PM20D2: variants seen among roughly 807,000 people sequenced by gnomAD.
PM20D2 encodes peptidase M20 domain containing 2, also known as xaa-Arg dipeptidase.
A neutral mutation model predicts 42.9 loss-of-function variants in PM20D2; 33 were observed. The observed-to-expected ratio is 0.77, with a 90% CI of 0.58 to 1.03. The LOEUF (loss-of-function observed/expected upper bound fraction) is 1.03. Ranked by LOEUF, PM20D2 falls within the 50% of genes least tolerant of loss-of-function variation. The pLI, the probability that PM20D2 is intolerant of heterozygous loss-of-function variation, is 0.00. For missense variants in PM20D2, 548 were observed against 557.0 expected (o/e 0.98, Z 0.16); for synonymous variants, 250 against 228.2 (o/e 1.10, Z -0.86).
chr6:89,112,613 T>C, the PM20D2 span, among the ~76,000 whole-genome samples: 51 of 152,014 alleles, frequency 3.4e-4, no homozygotes, highest in South Asian at 4.2e-3. Flanking sequence ...GGCCTTGCTA[T>C]GTTGCCCAGG....
At chr6:89,132,781 T>C in the PM20D2 span, among the ~76,000 whole-genome samples, 25 of 150,886 alleles carry the variant, frequency 1.7e-4, no homozygotes, top group Non-Finnish European at 2.5e-4. Context: ...GAGGTTGCAG[T>C]GAGCCGAGAT....
chr6:89,130,819 C>CTTTTTTTTTTTTTTCTTTTTTTT, the PM20D2 span, among the ~76,000 whole-genome samples: 1 of 24,038 alleles, frequency 4.2e-5, no homozygotes, highest in African/African-American at 1.4e-4. Flanking sequence ...GCTTCTTCTT[C>CTTTTTTTTTTTTTTCTTTTTTTT]TTTTTTTTTT....
intron 1 of PM20D2, among the ~76,000 whole-genome samples, chr6:89,147,890 C>T (rs149393162): frequency 6.9e-6 from 1 of 145,744 alleles, no homozygotes; most frequent in African/African-American, 2.5e-5. Context: ...GAGGCCTCCT[C>T]TTAAAAAAAA....
At chr6:89,129,610 T>TTTTTTA in the PM20D2 span, among the ~76,000 whole-genome samples, 1 of 114,486 alleles carries the variant, frequency 8.7e-6, no homozygotes, top group South Asian at 3.0e-4. Flanking sequence ...TTTTTTTTTT[T>TTTTTTA]GAGAGAGGGT....
chr6:89,124,094 C>T, the PM20D2 span, among the ~76,000 whole-genome samples: 1 of 152,180 alleles, frequency 6.6e-6, no homozygotes, highest in East Asian at 1.9e-4. Context: ...CTTTTGTCTG[C>T]GCAGGCTCCA....
At chr6:89,143,536 C>A (rs932295798), upstream of PM20D2, among the ~76,000 whole-genome samples, 5 of 152,112 alleles carry the variant, frequency 3.3e-5, no homozygotes, top group African/African-American at 7.2e-5. Flanking sequence ...TCTCACCCCC[C>A]CAAAAAGGTT....
chr6:89,099,227 G>A, the PM20D2 span, among the ~76,000 whole-genome samples: 1 of 151,636 alleles, frequency 6.6e-6, no homozygotes, highest in Non-Finnish European at 1.5e-5. Flanking sequence ...GAGTTATACA[G>A]CTCTTAAGAG....
At chr6:89,099,828 C>T in the PM20D2 span, among the ~76,000 whole-genome samples, 1 of 152,230 alleles carries the variant, frequency 6.6e-6, no homozygotes, top group South Asian at 2.1e-4. Flanking sequence ...AGCTACCACA[C>T]CCAGCCGAAA....
Position 89,153,027 on chromosome 6 carries a change from AT to A in PM20D2, c.615-10del. On this transcript the variant is annotated splice_polypyrimidine_tract_variant and intron_variant, in intron 2 of 6. Transcript: ENST00000275072. The stretch of plus-strand genomic sequence containing the variant: ...ATAATAACAAAAGTAATTTCAAATG[AT>A]TTTTTATTTCCTAGTGTGACTGTGA... The A allele has an allele frequency of 6.4e-7, 1 of 1,562,706 alleles. No individual in the cohort carries two copies. Among genetic ancestry groups the A allele is most frequent in the Admixed American group, 1.9e-5 (1 of 51,312 alleles).
chr6:89,162,281 T>C lies in PM20D2; in HGVS notation c.*18T>C, dbSNP rs370137716. ...TAGAATAAAAGACTTAGGGGCCACT[T>C]ATAAATCAAGAAGACGTGATGATTT... is the stretch of plus-strand genomic sequence containing the variant. On this transcript the variant is annotated 3_prime_UTR_variant, in exon 7 of 7. Transcript: ENST00000275072. The C allele has an allele frequency of 6.3e-7, 1 of 1,585,284 alleles. No homozygotes were observed. Among genetic ancestry groups the C allele is most frequent in the Non-Finnish European group, 8.6e-7 (1 of 1,167,618 alleles).
the PM20D2 span, among the ~76,000 whole-genome samples, chr6:89,134,782 A>G: frequency 6.6e-6 from 1 of 151,240 alleles, no homozygotes; most frequent in Admixed American, 6.6e-5. Flanking sequence ...CAAGTGATTT[A>G]TGAGTGGGCT....
the PM20D2 span, among the ~76,000 whole-genome samples, chr6:89,108,130 CT>C: frequency 6.6e-6 from 1 of 152,086 alleles, no homozygotes; most frequent in Non-Finnish European, 1.5e-5. Context: ...TATTTCGAGC[CT>C]GCTTATGTGC....
the PM20D2 span, among the ~76,000 whole-genome samples, chr6:89,099,488 GTATA>G: frequency 1.5e-5 from 2 of 135,040 alleles, no homozygotes; most frequent in Admixed American, 7.5e-5. Context: ...ATATGTGTGT[GTATA>G]TATATATGTG....
chr6:89,151,052 G>A (rs1770815919), intron 2 of PM20D2, among the ~76,000 whole-genome samples: 1 of 150,700 alleles, frequency 6.6e-6, no homozygotes, highest in Non-Finnish European at 1.5e-5. Context: ...TTGGGAGGCT[G>A]AGCCAGGAGA....
the PM20D2 span, chr6:89,106,823 C>T: frequency 2.7e-6 from 1 of 367,164 alleles, no homozygotes; most frequent in Admixed American, 3.7e-5. Context: ...GAAGTCTCAA[C>T]CTGGTGTTGG....
At position 89,154,806 on chromosome 6, in the gene PM20D2, C is replaced by A; in HGVS notation, c.816C>A (p.Ile272=). The change falls in exon 4 of 7, where the codon ATC becomes ATA. Residue 272 remains isoleucine, a synonymous_variant. Transcript: ENST00000275072. ...PNIIPSYSEL[I]YYFRAPSMKE... is the part of the protein sequence containing the mutation. Reference sequence around the variant, plus strand: ...TCATTCCCTCTTATTCTGAATTAATCTATTACTTCCGTGCACCCTCAATGA... The same window carrying A: ...TCATTCCCTCTTATTCTGAATTAATATATTACTTCCGTGCACCCTCAATGA... 2 of 1,602,630 alleles carry A rather than the reference C, an allele frequency of 1.2e-6. No individual in the cohort carries two copies. Among genetic ancestry groups the A allele is most frequent in the Non-Finnish European group, 1.7e-6 (2 of 1,174,368 alleles).
intron 4 of PM20D2, among the ~76,000 whole-genome samples, chr6:89,157,965 C>G (rs1771106979): frequency 6.6e-6 from 1 of 152,164 alleles, no homozygotes; most frequent in African/African-American, 2.4e-5. Context: ...TGAGATCACA[C>G]CACTGCACTC....
chr6:89,150,696 C>T (rs1350900909), intron 2 of PM20D2, among the ~76,000 whole-genome samples: 7 of 151,656 alleles, frequency 4.6e-5, no homozygotes, highest in African/African-American at 9.6e-5. Context: ...TGCGCCACCA[C>T]GCCCAGCTAA....
chr6:89,152,556 G>GTT (rs1191213040), intron 2 of PM20D2, among the ~76,000 whole-genome samples: 1 of 152,080 alleles, frequency 6.6e-6, no homozygotes, highest in Non-Finnish European at 1.5e-5. Flanking sequence ...TAATACTAGG[G>GTT]TATCTTGTGA....
Sources: gnomAD v4.1 joint callset for allele counts (sites outside exome capture counted in the v4.1 genomes callset) on GRCh38, gnomAD v4.1.1 for gene constraint, MANE v1.5 for transcripts, NCBI Gene and HGNC (gene_info 2026-07-23, HGNC 2026-07-21) for gene names.